Variants in NOTCH4 observed in about 807,000 individuals in gnomAD.
NOTCH4 encodes the protein notch receptor 4.
Under a neutral mutation model 189.0 loss-of-function variants are expected in NOTCH4, and 138 were observed. That is an observed-to-expected ratio of 0.73 (90% CI 0.64 to 0.84). NOTCH4 has a LOEUF of 0.84. NOTCH4 is among the 40% of genes least tolerant of loss of function. The pLI, the probability that NOTCH4 is intolerant of heterozygous loss-of-function variation, is 0.00. For missense variants in NOTCH4, 2,286 were observed against 2,605.4 expected (o/e 0.88, Z 2.67); for synonymous variants, 942 against 1,032.8 (o/e 0.91, Z 1.69).
chr6:32,213,390 A>G, intron 14 of NOTCH4, 138 bp from the exon 15 acceptor site: 1 of 631,594 alleles, frequency 1.6e-6, no homozygotes, highest in Non-Finnish European at 2.8e-6. Flanking sequence ...ATTTTTATTT[A>G]TATGATATTT....
intron 13 of NOTCH4, 46 bp from the exon 14 acceptor site, chr6:32,213,886 C>G (rs779473169): frequency 2.5e-6 from 4 of 1,598,800 alleles, no homozygotes; most frequent in Non-Finnish European, 3.4e-6. Flanking sequence ...CTCCTTCCCT[C>G]CCTCCGCTCT....
chr6:32,222,600 G>T lies in NOTCH4; in HGVS notation c.362C>A (p.Pro121His). 1.2e-6 allele frequency: 2 copies of T among 1,601,786 alleles called. No homozygotes were observed. The highest frequency in any genetic ancestry group is 1.7e-6 in the Non-Finnish European group (2 of 1,176,242). ...GERCQAKLED[P>H]CPPSFCSKRG... ...TTTGGAACAGAAGGAGGGAGGACAA[G>T]GGTCTTCAAGCTTGGCCTGGCATCT... The change falls in exon 3 of 30, where the codon CCT (proline) becomes CAT (histidine). Residue 121 changes from proline (P) to histidine (H), a missense_variant. Pro to His is a moderately conservative substitution (Grantham distance 77). This residue lies in a region of NOTCH4 where 1,903 missense variants were observed against 2,261.9 expected (regional missense o/e 0.84). Transcript: ENST00000375023.
rs1788181218 is a variant in NOTCH4, at chr6:32,199,211, CT to C, written c.4316-67del. On this transcript the variant is annotated intron_variant, in intron 23 of 29. Transcript: ENST00000375023. The surrounding 1 kb of genome is among the most constrained non-coding windows in gnomAD (Gnocchi z 4.9). ...GTGAGACTGATTACTATTGGGAGACCTTTGGACAAGTTTAGTAGCCGGTCTT... is the reference window on the plus strand; with the variant it reads ...GTGAGACTGATTACTATTGGGAGACCTTGGACAAGTTTAGTAGCCGGTCTT... The C allele has an allele frequency of 7.9e-7, 1 of 1,262,038 alleles. No homozygotes were observed. Among genetic ancestry groups the C allele is most frequent in the East Asian group, 2.7e-5 (1 of 37,604 alleles). 78.2% of individuals were successfully genotyped at this position (1,262,038 alleles called of 1,614,324 possible).
Position 32,202,352 on chromosome 6 carries a change from G to A in NOTCH4, c.3479C>T (p.Ser1160Phe). The change falls in exon 21 of 30, where the codon TCC becomes TTC. Residue 1160 changes from serine (S) to phenylalanine (F), a missense_variant. By Grantham distance (155) the Ser-to-Phe change is radical. This residue lies in a region of NOTCH4 where 1,903 missense variants were observed against 2,261.9 expected (regional missense o/e 0.84). Transcript: ENST00000375023. The surrounding 1 kb of genome is among the most constrained non-coding windows in gnomAD (Gnocchi z 5.7). ...GGGCCCTGGAGAGCTGTGAGGGCAG[G>A]AGCATCGAAAGCCTGGGCCCCCCAA... ...TGLGGPGFRC[S>F]CPHSSPGPRC... 1 of 1,612,886 alleles carries A rather than the reference G, an allele frequency of 6.2e-7. No individual in the cohort carries two copies. Among genetic ancestry groups the A allele is most frequent in the Non-Finnish European group, 8.5e-7 (1 of 1,179,970 alleles).
At position 32,195,799 on chromosome 6, in the gene NOTCH4, C is replaced by G. The variant is rs763024216; in HGVS notation, c.5650G>C (p.Val1884Leu). The change falls in exon 30 of 30, where the codon GTA (valine) becomes CTA (leucine). Residue 1884 changes from valine to leucine, a missense_variant. Val to Leu is a conservative substitution (Grantham distance 32). Transcript: ENST00000375023. This position sits in a 1 kb window ranked among gnomAD's most constrained non-coding sequence, Gnocchi z 5.4. ...GACLQARTWSVDLAARGGGAY... is the reference protein window; with the variant it reads ...GACLQARTWSLDLAARGGGAY... ...CCGCCCCCCCGCGCAGCCAAGTCTA[C>G]GGACCAAGTCCGAGCCTGCAGACAA... 2 of 1,603,700 alleles carry G rather than the reference C, an allele frequency of 1.2e-6. No homozygotes were observed. The highest frequency in any genetic ancestry group is 1.7e-6 in the Non-Finnish European group (2 of 1,179,152).
At chr6:32,218,260 G>T in intron 8 of NOTCH4, 152 bp from the exon 9 acceptor site, 1 of 640,586 alleles carries the variant, frequency 1.6e-6, no homozygotes, top group Non-Finnish European at 2.8e-6. Context: ...GAACCCTGAG[G>T]CCCTGCTGCT....
In NOTCH4 at chr6:32,201,236, G is replaced by T. The variant is rs1788330858; in HGVS notation, c.4020C>A (p.Tyr1340Ter). 5 of 1,612,994 alleles carry T rather than the reference G, an allele frequency of 3.1e-6. No individual in the cohort carries two copies. The highest frequency in any genetic ancestry group is 1.6e-4 in the Middle Eastern group (1 of 6,062). ...RKDRDGRDMV[Y>*]PYPGARAEEK... Reference sequence around the variant, plus strand: ...CTTCAGCCCGGGCCCCAGGATAGGGGTACACCATGTCCCTGCCATCACGAT... The same window carrying T: ...CTTCAGCCCGGGCCCCAGGATAGGGTTACACCATGTCCCTGCCATCACGAT... Residue 1340 changes from tyrosine (Y) to a stop codon, truncating the protein, a stop_gained, in exon 22 of 30, where the codon TAC becomes TAA. Coordinates refer to ENST00000375023, the MANE Select transcript of NOTCH4 (RefSeq NM_004557.4). LOFTEE classifies it high-confidence loss of function. This position sits in a 1 kb window ranked among gnomAD's most constrained non-coding sequence, Gnocchi z 5.5.
In NOTCH4 at chr6:32,220,965, T is replaced by G. The variant is rs746656648; in HGVS notation, c.799+13A>C. The G allele has an allele frequency of 6.9e-6, 11 of 1,595,968 alleles. No individual in the cohort carries two copies. The highest frequency in any genetic ancestry group is 1.3e-5 in the African/African-American group (1 of 74,486). ...GAGAGAGGGGCGGCCGGAGAGCCCC[T>G]GTGAGGACACACCTGGGGGACAGAG... On this transcript the variant is annotated intron_variant, in intron 4 of 29. Transcript: ENST00000375023.
intron 18 of NOTCH4, among the ~76,000 whole-genome samples, chr6:32,206,650 C>G (rs1276639190): frequency 2.0e-5 from 3 of 151,908 alleles, no homozygotes; most frequent in Non-Finnish European, 4.4e-5. Context: ...GTCATGCAAC[C>G]CCTATGAAAA....
chr6:32,202,570 C>G lies in NOTCH4; in HGVS notation c.3261G>C (p.Arg1087Ser), dbSNP rs1387540700. The G allele has an allele frequency of 3.1e-6, 5 of 1,596,464 alleles. No homozygotes were observed. Among genetic ancestry groups the G allele is most frequent in the Non-Finnish European group, 4.3e-6 (5 of 1,167,326 alleles). ...AGTGATGGAAGCCGCAGGAAGGGGC[C>G]CTGTGGCTGCAGGTGGGGCCTTCAA... Reference protein sequence around the residue: ...KGFEGPTCSHRAPSCGFHHCH... With the variant: ...KGFEGPTCSHSAPSCGFHHCH... Residue 1087 changes from arginine (R) to serine (S), a missense_variant, in exon 21 of 30, where the codon AGG (arginine) becomes AGC (serine). This residue lies in a region of NOTCH4 where 1,903 missense variants were observed against 2,261.9 expected (regional missense o/e 0.84). Transcript: ENST00000375023. The surrounding 1 kb of genome is among the most constrained non-coding windows in gnomAD (Gnocchi z 5.7).
At position 32,197,490 on chromosome 6, in the gene NOTCH4, C is replaced by T. The variant is rs367830176; in HGVS notation, c.4861G>A (p.Asp1621Asn). The T allele has an allele frequency of 2.5e-6, 4 of 1,603,622 alleles. No homozygotes were observed. The African/African-American group carries it at 4.0e-5, about 16-fold the overall frequency. The change falls in exon 27 of 30, where the codon GAT (aspartate) becomes AAT (asparagine). Residue 1621 changes from aspartate to asparagine, a missense_variant. Asp to Asn is a conservative substitution (Grantham distance 23). Transcript: ENST00000375023. The part of the protein sequence containing the change: ...GCPEPWEPLL[D>N]GGACPQAHTV... ...TGAGCCTGGGGACAGGCCCCTCCAT[C>T]CAGCAGAGGTTCCCAGGGCTCAGGA...
At chr6:32,213,062 A>G (rs890972712) in intron 15 of NOTCH4, 73 bp downstream of exon 15, 6 of 1,174,232 alleles carry the variant, frequency 5.1e-6, no homozygotes, top group Middle Eastern at 2.0e-4. Context: ...CCTGGAACCC[A>G]GGGGGAGATG....
Position 32,198,126 on chromosome 6 carries a change from G to A in NOTCH4, c.4756+295C>T, listed in dbSNP as rs978020504. ...GTGAGCCACCACGCCCGGCCTAGCAGTGGTTTTCTCAAACGAGTCTGGATC... is the reference window on the plus strand; with the variant it reads ...GTGAGCCACCACGCCCGGCCTAGCAATGGTTTTCTCAAACGAGTCTGGATC... On this transcript the variant is annotated intron_variant, in intron 26 of 29. Coordinates refer to ENST00000375023, the MANE Select transcript of NOTCH4 (RefSeq NM_004557.4). This position sits in a 1 kb window ranked among gnomAD's most constrained non-coding sequence, Gnocchi z 5.5. Among the ~76,000 whole-genome samples the A allele has an allele frequency of 6.6e-6, 1 of 152,170 alleles. No individual in the cohort carries two copies. Among genetic ancestry groups the A allele is most frequent in the African/African-American group, 2.4e-5 (1 of 41,452 alleles).
In NOTCH4 at chr6:32,210,816, C is replaced by A. The variant is rs995717966; in HGVS notation, c.2801G>T (p.Cys934Phe). 1.9e-6 allele frequency: 3 copies of A among 1,613,070 alleles called. No individual in the cohort carries two copies. The East Asian group carries it at 6.7e-5, about 36-fold the overall frequency. Residue 934 changes from cysteine (C) to phenylalanine (F), a missense_variant, in exon 18 of 30, where the codon TGT becomes TTT. Coordinates refer to ENST00000375023, the MANE Select transcript of NOTCH4 (RefSeq NM_004557.4). This position sits in a 1 kb window ranked among gnomAD's most constrained non-coding sequence, Gnocchi z 4.8. ...CCCGTTCTGGCAAGGCCTGGACTCA[C>A]ATGGGTTCACGTGATCCTGGCACAG... ...GSLCQDHVNP[C>F]ESRPCQNGAT...
rs1044507 is a variant in NOTCH4 at position 32,195,764 on chromosome 6, A to C, written c.5685T>G (p.Ser1895=). 0.027 allele frequency: 42,898 copies of C among 1,610,698 alleles called. 918 individuals carry two copies. Among genetic ancestry groups the C allele is most frequent in the South Asian group, 0.076 (6,904 of 91,056 alleles). The change falls in exon 30 of 30, where the codon TCT becomes TCG. Residue 1895 remains serine (S), a synonymous_variant. Transcript: ENST00000375023. This position sits in a 1 kb window ranked among gnomAD's most constrained non-coding sequence, Gnocchi z 5.4. ...DLAARGGGAY[S]HCRSLSGVGA... ...CTACTCCCGAGAGGCTCCGGCAATG[A>C]GAATAGGCCCCGCCCCCCCGCGCAG... is the stretch of plus-strand genomic sequence containing the variant.
chr6:32,218,143 G>T, intron 8 of NOTCH4, 35 bp from the exon 9 acceptor site: 1 of 1,386,066 alleles, frequency 7.2e-7, no homozygotes, highest in Non-Finnish European at 1.0e-6. Flanking sequence ...CTGTGGCTCA[G>T]CCAGGTCTGC....
At chr6:32,203,490 C>G in intron 20 of NOTCH4, 1 of 471,020 alleles carries the variant, frequency 2.1e-6, no homozygotes, top group South Asian at 3.8e-5. Flanking sequence ...GTTAAAATAA[C>G]CTATCTGAGG....
Position 32,199,970 on chromosome 6 carries a change from A to G in NOTCH4, c.4316-825T>C, listed in dbSNP as rs1364662989. 3.3e-5 allele frequency among the ~76,000 whole-genome samples: 5 copies of G among 152,216 alleles called. No homozygotes were observed. Reference sequence around the variant, plus strand: ...AGTCTGAAACTTTTAGAGTACCAACATAACGCTCAAAGGAAATGCTCATTG... The same window carrying G: ...AGTCTGAAACTTTTAGAGTACCAACGTAACGCTCAAAGGAAATGCTCATTG... On this transcript the variant is annotated intron_variant, in intron 23 of 29. Coordinates refer to ENST00000375023, the MANE Select transcript of NOTCH4 (RefSeq NM_004557.4). This position sits in a 1 kb window ranked among gnomAD's most constrained non-coding sequence, Gnocchi z 4.9.
rs1789803908 is a variant in NOTCH4 at position 32,221,901 on chromosome 6, A to G, written c.452-576T>C. ...TACTCTCCCTGTTTGTCAGCTGACA[A>G]CTGAACACCAGAAAGCTAAAATATC... On this transcript the variant is annotated intron_variant, in intron 3 of 29. Transcript: ENST00000375023. The surrounding 1 kb of genome is among the most constrained non-coding windows in gnomAD (Gnocchi z 4.3). Among the ~76,000 whole-genome samples, 1 of 152,152 alleles carries G rather than the reference A, an allele frequency of 6.6e-6. No homozygotes were observed. The highest frequency in any genetic ancestry group is 1.5e-5 in the Non-Finnish European group (1 of 68,028).
Sources: allele counts gnomAD v4.1 joint callset (sites outside exome capture counted in the v4.1 genomes callset), GRCh38; gene constraint gnomAD v4.1.1; regional missense constraint gnomAD v4.1.1; non-coding constraint Gnocchi (gnomAD v3.1); transcripts MANE v1.5; gene names NCBI Gene and HGNC (gene_info 2026-07-23, HGNC 2026-07-21).